Variants in SLC24A2 observed in about 807,000 individuals in gnomAD.
SLC24A2 encodes the protein sodium/potassium/calcium exchanger 2.
In SLC24A2, 36 loss-of-function variants were observed where a neutral mutation model predicts 62.0. The ratio of observed to expected loss-of-function variants is 0.58; its 90% confidence interval spans 0.44 to 0.77. The LOEUF is 0.77. SLC24A2 is among the 30% of genes least tolerant of loss of function. The pLI is 0.00. For synonymous variants in SLC24A2, 358 were observed against 294.0 expected (o/e 1.22, Z -2.23); for missense variants, 846 against 817.9 (o/e 1.03, Z -0.42).
At chr9:20,199,066 T>C in the SLC24A2 span, among the ~76,000 whole-genome samples, 7 of 152,348 alleles carry the variant, frequency 4.6e-5, no homozygotes, top group African/African-American at 1.7e-4. Flanking sequence ...TATGGACCTT[T>C]TTCTACAGAG....
At chr9:19,521,755 A>G (rs1277707065) in intron 9 of SLC24A2, among the ~76,000 whole-genome samples, 1 of 152,174 alleles carries the variant, frequency 6.6e-6, no homozygotes, top group African/African-American at 2.4e-5. Context: ...GGATAATAAT[A>G]CCTACCTTAC....
chr9:20,100,404 G>C, the SLC24A2 span, among the ~76,000 whole-genome samples: 1 of 152,014 alleles, frequency 6.6e-6, no homozygotes, highest in Non-Finnish European at 1.5e-5. Flanking sequence ...CTCTTTCTCA[G>C]GCAAGACTTC....
chr9:19,531,810 T>G (rs1487767696), intron 8 of SLC24A2, among the ~76,000 whole-genome samples: 1 of 151,500 alleles, frequency 6.6e-6, no homozygotes, highest in South Asian at 2.1e-4. Flanking sequence ...ACAAATTATT[T>G]AATCTCTTTA....
At chr9:20,233,464 C>A in the SLC24A2 span, among the ~76,000 whole-genome samples, 1 of 152,068 alleles carries the variant, frequency 6.6e-6, no homozygotes, top group East Asian at 1.9e-4. Flanking sequence ...TTAATTGATC[C>A]CTTTACCATT....
At chr9:20,168,184 G>A in the SLC24A2 span, among the ~76,000 whole-genome samples, 1 of 151,946 alleles carries the variant, frequency 6.6e-6, no homozygotes, top group African/African-American at 2.4e-5. Context: ...AGTTATAGAG[G>A]ATTGAAAGAG....
intron 2 of SLC24A2, among the ~76,000 whole-genome samples, chr9:19,645,898 A>T (rs1225588657): frequency 6.6e-6 from 1 of 152,228 alleles, no homozygotes; most frequent in African/African-American, 2.4e-5. Flanking sequence ...TTTGAAATGC[A>T]CAGGGCACTG....
chr9:20,143,835 A>C, the SLC24A2 span, among the ~76,000 whole-genome samples: 1 of 152,238 alleles, frequency 6.6e-6, no homozygotes, highest in Non-Finnish European at 1.5e-5. Flanking sequence ...CATCATCAAA[A>C]TGTCAATATT....
intron 8 of SLC24A2, among the ~76,000 whole-genome samples, chr9:19,546,057 G>C (rs562621584): frequency 6.6e-6 from 1 of 152,194 alleles, no homozygotes; most frequent in East Asian, 1.9e-4. Flanking sequence ...AGACTGCTGC[G>C]TGTTGTTTCC....
rs1266568942 is a variant in SLC24A2, at chr9:19,534,010, GC to G, written c.1480-5873del. The stretch of plus-strand genomic sequence containing the variant: ...GTAGGATCACTTTAAATGTGCAGTA[GC>G]TTTTTTGATGGTTATCTCATGCTTT... On this transcript the variant is annotated intron_variant, in intron 8 of 10. Transcript: ENST00000341998. 3.7e-4 allele frequency among the ~76,000 whole-genome samples: 19 copies of G among 51,852 alleles called. No homozygotes were observed. The Admixed American group carries it at 4.4e-3, about 12-fold the overall frequency. The allele number at this position is 51,852 out of a possible 152,430, so 34.0% of individuals were successfully genotyped here.
intron 2 of SLC24A2, among the ~76,000 whole-genome samples, chr9:19,686,533 G>A (rs1819885733): frequency 6.6e-6 from 1 of 152,090 alleles, no homozygotes; most frequent in South Asian, 2.1e-4. Flanking sequence ...TCTTGCGGGA[G>A]GGAGCCCATG....
chr9:20,186,409 G>A, the SLC24A2 span, among the ~76,000 whole-genome samples: 1 of 152,030 alleles, frequency 6.6e-6, no homozygotes, highest in South Asian at 2.1e-4. Flanking sequence ...TACCTCCCTG[G>A]TACGGACTCT....
the SLC24A2 span, among the ~76,000 whole-genome samples, chr9:19,933,060 G>A: frequency 2.0e-5 from 3 of 152,240 alleles, no homozygotes; most frequent in Non-Finnish European, 4.4e-5. Context: ...GGGCTGCGGG[G>A]AGGATGGACT....
chr9:20,239,307 T>G, the SLC24A2 span, among the ~76,000 whole-genome samples: 1 of 152,266 alleles, frequency 6.6e-6, no homozygotes, highest in Non-Finnish European at 1.5e-5. Context: ...GACATTATAA[T>G]AAAATTTTAT....
intron 4 of SLC24A2, among the ~76,000 whole-genome samples, chr9:19,605,328 A>G (rs1275848849): frequency 1.3e-5 from 2 of 152,240 alleles, no homozygotes; most frequent in Non-Finnish European, 2.9e-5. Flanking sequence ...GACCCCAGGT[A>G]GAATTTTTTT....
chr9:19,836,498 A>G, the SLC24A2 span, among the ~76,000 whole-genome samples: 1 of 152,154 alleles, frequency 6.6e-6, no homozygotes, highest in Non-Finnish European at 1.5e-5. Flanking sequence ...TAAATTCCTC[A>G]ACACATACAC....
At chr9:20,217,981 C>T in the SLC24A2 span, among the ~76,000 whole-genome samples, 1 of 152,172 alleles carries the variant, frequency 6.6e-6, no homozygotes, top group African/African-American at 2.4e-5. Context: ...TCATTAGAAA[C>T]CCCAGCTTCA....
chr9:19,834,325 GA>G, the SLC24A2 span, among the ~76,000 whole-genome samples: 9,172 of 151,198 alleles, frequency 0.061, 408 homozygotes, highest in African/African-American at 0.11. Flanking sequence ...TAAAAACTTT[GA>G]AAAAAAATTA....
intron 2 of SLC24A2, among the ~76,000 whole-genome samples, chr9:19,667,804 T>G (rs745874830): frequency 6.6e-6 from 1 of 152,188 alleles, no homozygotes; most frequent in Non-Finnish European, 1.5e-5. Context: ...CTGCAGCCTA[T>G]CAACAATACC....
At position 19,713,171 on chromosome 9, in the gene SLC24A2, G is replaced by C. The variant is rs77428896; in HGVS notation, c.930+72766C>G. ...TTGCCTGCTTTATTTACTGCTGTAT[G>C]CTAGCACCTAGTATCTAGTTGATTG... On this transcript the variant is annotated intron_variant, in intron 2 of 10. Coordinates refer to ENST00000341998, the MANE Select transcript of SLC24A2 (RefSeq NM_020344.4). 7.4e-3 allele frequency among the ~76,000 whole-genome samples: 1,120 copies of C among 152,102 alleles called. 7 individuals carry two copies. The highest frequency in any genetic ancestry group is 0.025 in the African/African-American group (1,035 of 41,480).
Sources: gnomAD v4.1 joint callset for allele counts (sites outside exome capture counted in the v4.1 genomes callset) on GRCh38, gnomAD v4.1.1 for gene constraint, MANE v1.5 for transcripts, NCBI Gene and HGNC (gene_info 2026-07-23, HGNC 2026-07-21) for gene names.